EXOC4: variants seen among roughly 807,000 people sequenced by gnomAD.
EXOC4 encodes exocyst complex component 4, also known as SEC8-like 1.
In EXOC4, 71 loss-of-function variants were observed where a neutral mutation model predicts 107.2. The ratio of observed to expected loss-of-function variants is 0.66; its 90% CI spans 0.55 to 0.81. The LOEUF is 0.81. Among genes scored for constraint, EXOC4 ranks in the 30% least tolerant of loss-of-function variants. EXOC4 has a pLI of 0.00. For synonymous variants in EXOC4, 456 were observed against 441.2 expected (o/e 1.03, Z -0.42); for missense variants, 1,108 against 1,189.6 (o/e 0.93, Z 1.01).
At chr7:134,084,283 T>C in the EXOC4 span, among the ~76,000 whole-genome samples, 1 of 152,210 alleles carries the variant, frequency 6.6e-6, no homozygotes, top group Admixed American at 6.5e-5. Flanking sequence ...GTGAAAGTCA[T>C]TGAGACTTCC....
rs763496063 is a variant in EXOC4 at position 133,917,694 on chromosome 7, C to G, written c.1983C>G (p.Pro661=). 1.2e-6 allele frequency: 2 copies of G among 1,613,902 alleles called. No homozygotes were observed. The highest frequency in any genetic ancestry group is 3.3e-5 in the Admixed American group (2 of 59,988). The change falls in exon 13 of 18, where the codon CCC becomes CCG. Residue 661 remains proline (P), a synonymous_variant. Transcript: ENST00000253861. ...CAAACTGGATGAATATGGCTCAACC[C>G]AAACAGCTGAGGCCAAAAAGAGAGG... The part of the protein sequence containing the change: ...SLPNWMNMAQ[P]KQLRPKREEE...
intron 9 of EXOC4, among the ~76,000 whole-genome samples, chr7:133,517,541 A>T (rs1033660695): frequency 6.6e-6 from 1 of 152,228 alleles, no homozygotes; most frequent in Non-Finnish European, 1.5e-5. Context: ...GGGAGGCCTC[A>T]CAATCATGGC....
chr7:133,583,504 A>G (rs1454012358), intron 9 of EXOC4, among the ~76,000 whole-genome samples: 2 of 152,224 alleles, frequency 1.3e-5, no homozygotes, highest in African/African-American at 4.8e-5. Context: ...TGCAGGAGAA[A>G]GAACTCTTGA....
At chr7:133,264,929 A>G (rs1049216069) in intron 1 of EXOC4, among the ~76,000 whole-genome samples, 6 of 152,216 alleles carry the variant, frequency 3.9e-5, no homozygotes, top group African/African-American at 1.4e-4. Flanking sequence ...TGGTACTGTC[A>G]GCCATTTCTC....
intron 17 of EXOC4, among the ~76,000 whole-genome samples, chr7:134,010,733 C>A (rs1443939987): frequency 6.6e-6 from 1 of 152,142 alleles, no homozygotes; most frequent in African/African-American, 2.4e-5. Context: ...CACTAGTTGC[C>A]GTGTGTCAGA....
chr7:133,714,065 C>G (rs1217622803), intron 10 of EXOC4, among the ~76,000 whole-genome samples: 1 of 152,080 alleles, frequency 6.6e-6, no homozygotes, highest in South Asian at 2.1e-4. Context: ...GTGGGCACAA[C>G]CACTGTCAGG....
At chr7:133,725,112 T>C (rs1013357036) in intron 10 of EXOC4, among the ~76,000 whole-genome samples, 4 of 152,234 alleles carry the variant, frequency 2.6e-5, no homozygotes, top group African/African-American at 7.2e-5. Context: ...TTTGTGGTTA[T>C]TGAACACTTG....
At chr7:133,421,063 C>G (rs1563059008) in intron 7 of EXOC4, among the ~76,000 whole-genome samples, 1 of 151,852 alleles carries the variant, frequency 6.6e-6, no homozygotes, top group African/African-American at 2.4e-5. Context: ...GCAGAACAAT[C>G]TTGGGAAAGA....
intron 9 of EXOC4, among the ~76,000 whole-genome samples, chr7:133,563,635 AG>A: frequency 6.6e-6 from 1 of 152,212 alleles, no homozygotes; most frequent in Non-Finnish European, 1.5e-5. Flanking sequence ...CTCGAGTAGG[AG>A]GTGTCTGATA....
chr7:133,538,327 T>G (rs565480064), intron 9 of EXOC4, among the ~76,000 whole-genome samples: 1 of 152,358 alleles, frequency 6.6e-6, no homozygotes, highest in East Asian at 1.9e-4. Context: ...TAGAATTGTT[T>G]CCCTTTATTT....
chr7:133,537,045 G>A (rs929774171), intron 9 of EXOC4, among the ~76,000 whole-genome samples: 3 of 152,126 alleles, frequency 2.0e-5, no homozygotes, highest in African/African-American at 7.2e-5. Context: ...GGCTATTTGA[G>A]GACAACTGGC....
intron 10 of EXOC4, among the ~76,000 whole-genome samples, chr7:133,680,410 A>G (rs1041215677): frequency 6.6e-6 from 1 of 152,226 alleles, no homozygotes; most frequent in African/African-American, 2.4e-5. Flanking sequence ...CAGTTTATAC[A>G]TATTTGGTCT....
At chr7:133,371,615 G>A (rs75699444) in intron 6 of EXOC4, among the ~76,000 whole-genome samples, 3,347 of 152,124 alleles carry the variant, frequency 0.022, 132 homozygotes, top group African/African-American at 0.076. Context: ...TGAATATACC[G>A]CATTTTATCC....
chr7:134,040,794 G>A (rs543557780), intron 17 of EXOC4, among the ~76,000 whole-genome samples: 1 of 152,298 alleles, frequency 6.6e-6, no homozygotes, highest in South Asian at 2.1e-4. Flanking sequence ...AGCAAAGCAT[G>A]TTTCAGGATG....
At chr7:133,749,865 C>T (rs937079091) in intron 10 of EXOC4, among the ~76,000 whole-genome samples, 1 of 151,272 alleles carries the variant, frequency 6.6e-6, no homozygotes, top group African/African-American at 2.4e-5. Context: ...TCTCCTTTTA[C>T]AGTACCTTGA....
At position 133,466,009 on chromosome 7, in the gene EXOC4, C is replaced by T. The variant is rs569819781; in HGVS notation, c.1183-9319C>T. Among the ~76,000 whole-genome samples the T allele has an allele frequency of 5.9e-5, 9 of 151,726 alleles. No homozygotes were observed. In the South Asian group the frequency reaches 6.3e-4, roughly 11 times the overall value. On this transcript the variant is annotated intron_variant, in intron 7 of 17. Coordinates refer to ENST00000253861, the MANE Select transcript of EXOC4 (RefSeq NM_021807.4). Reference sequence around the variant, plus strand: ...AAAATTAGCTGGGCTTGGTGGTGGGCGTCTGTAATCCCAACTACTCAGGAG... The same window carrying T: ...AAAATTAGCTGGGCTTGGTGGTGGGTGTCTGTAATCCCAACTACTCAGGAG...
At chr7:133,993,848 C>G (rs1326526307) in intron 14 of EXOC4, among the ~76,000 whole-genome samples, 7 of 152,210 alleles carry the variant, frequency 4.6e-5, no homozygotes, top group Non-Finnish European at 1.0e-4. Flanking sequence ...AAACAAAAGA[C>G]TTCCCAAAAG....
chr7:133,775,982 G>C (rs982727551), intron 10 of EXOC4, among the ~76,000 whole-genome samples: 5 of 152,110 alleles, frequency 3.3e-5, no homozygotes, highest in Non-Finnish European at 7.4e-5. Flanking sequence ...TTTACTTATA[G>C]TCTTAATAGA....
chr7:133,304,231 T>C (rs754916250), intron 3 of EXOC4, among the ~76,000 whole-genome samples: 2 of 152,248 alleles, frequency 1.3e-5, no homozygotes, highest in African/African-American at 2.4e-5. Context: ...ATGCATCCTC[T>C]TTCTCTGCTA....
Sources: gnomAD v4.1 joint callset for allele counts (sites outside exome capture counted in the v4.1 genomes callset) on GRCh38, gnomAD v4.1.1 for gene constraint, MANE v1.5 for transcripts, NCBI Gene and HGNC (gene_info 2026-07-23, HGNC 2026-07-21) for gene names.